ATRNL1: variants seen among roughly 807,000 people sequenced by gnomAD.
The protein encoded by ATRNL1 is attractin like 1.
ATRNL1 carries 95 observed loss-of-function variants against 182.7 expected under a neutral mutation model. The ratio of observed to expected loss-of-function variants is 0.52; its 90% CI spans 0.44 to 0.62. ATRNL1 has a LOEUF of 0.62. ATRNL1 is among the 20% of genes least tolerant of loss of function. The pLI, the probability that ATRNL1 is intolerant of heterozygous loss-of-function variation, is 0.00. For missense variants in ATRNL1, 1,471 were observed against 1,679.5 expected (o/e 0.88, Z 2.17); for synonymous variants, 576 against 568.3 (o/e 1.01, Z -0.19).
At chr10:115,928,605 T>A (rs1484100844) in intron 28 of ATRNL1, among the ~76,000 whole-genome samples, 2 of 152,002 alleles carry the variant, frequency 1.3e-5, no homozygotes, top group Non-Finnish European at 1.5e-5. Context: ...ATTAGTTAAT[T>A]ATCTCAAACC....
In ATRNL1 at chr10:115,448,719, T is replaced by A. The variant is rs1245005934; in HGVS notation, c.3323-13222T>A. 2.0e-5 allele frequency among the ~76,000 whole-genome samples: 3 copies of A among 152,020 alleles called. No individual in the cohort carries two copies. In the East Asian group the frequency reaches 5.8e-4, roughly 29 times the overall value. Reference sequence around the variant, plus strand: ...CAAGACGCACACAAAAAAAAAACATTTAAAAGATAAACAAATCTAGGAGTT... The same window carrying A: ...CAAGACGCACACAAAAAAAAAACATATAAAAGATAAACAAATCTAGGAGTT... On this transcript the variant is annotated intron_variant, in intron 21 of 28. Transcript: ENST00000355044.
chr10:115,304,747 C>T (rs1853643625), intron 17 of ATRNL1, among the ~76,000 whole-genome samples: 1 of 152,084 alleles, frequency 6.6e-6, no homozygotes, highest in African/African-American at 2.4e-5. Context: ...CCATGATGTT[C>T]TACACACATG....
chr10:115,174,913 T>C (rs1554886418), intron 8 of ATRNL1, among the ~76,000 whole-genome samples: 1 of 151,934 alleles, frequency 6.6e-6, no homozygotes, highest in Non-Finnish European at 1.5e-5. Context: ...TAGCCTGATA[T>C]CTAGTAAATG....
intron 21 of ATRNL1, among the ~76,000 whole-genome samples, chr10:115,433,024 C>T (rs1846241300): frequency 6.6e-6 from 1 of 151,990 alleles, no homozygotes; most frequent in African/African-American, 2.4e-5. Context: ...GCAATGCTCA[C>T]ACCCCTAATT....
intron 17 of ATRNL1, among the ~76,000 whole-genome samples, chr10:115,311,017 G>C (rs1853993518): frequency 6.6e-6 from 1 of 151,906 alleles, no homozygotes; most frequent in South Asian, 2.1e-4. Flanking sequence ...CACAGTTATT[G>C]TTCTTTTTGC....
At chr10:115,237,362 A>G (rs1239713420) in intron 9 of ATRNL1, among the ~76,000 whole-genome samples, 2 of 152,318 alleles carry the variant, frequency 1.3e-5, no homozygotes, top group East Asian at 3.9e-4. Flanking sequence ...GCAGCGATGA[A>G]TGAGAGTTCC....
intron 26 of ATRNL1, among the ~76,000 whole-genome samples, chr10:115,639,601 A>G (rs1859101717): frequency 1.3e-5 from 2 of 152,198 alleles, no homozygotes; most frequent in South Asian, 4.1e-4. Flanking sequence ...CTTCATTCTA[A>G]GTGGAAAATG....
intron 27 of ATRNL1, among the ~76,000 whole-genome samples, chr10:115,758,515 G>T (rs1948650175): frequency 6.6e-6 from 1 of 152,132 alleles, no homozygotes; most frequent in Non-Finnish European, 1.5e-5. Flanking sequence ...TCCCAGAGGG[G>T]CACCCACCAG....
intron 28 of ATRNL1, among the ~76,000 whole-genome samples, chr10:115,940,764 G>C (rs1264724423): frequency 6.6e-6 from 1 of 151,628 alleles, no homozygotes; most frequent in African/African-American, 2.4e-5. Flanking sequence ...TAGGGGCTTT[G>C]TCTCTTTTTT....
chr10:115,831,566 T>G lies in ATRNL1; in HGVS notation c.3904-16311T>G, dbSNP rs1053168438. 7.2e-5 allele frequency among the ~76,000 whole-genome samples: 11 copies of G among 152,078 alleles called. 1 individual carries two copies. The highest frequency in any genetic ancestry group is 3.9e-4 in the Admixed American group (6 of 15,260). On this transcript the variant is annotated intron_variant, in intron 27 of 28. Coordinates refer to ENST00000355044, the MANE Select transcript of ATRNL1 (RefSeq NM_207303.4). ...AGCGGAGCGTGGAAAGCAAACCAAT[T>G]GGAAAGGTGTTCCCTGTATTACCAA...
At chr10:115,943,824 G>A (rs1428214670) in intron 28 of ATRNL1, among the ~76,000 whole-genome samples, 2 of 152,062 alleles carry the variant, frequency 1.3e-5, no homozygotes, top group Middle Eastern at 3.4e-3. Context: ...TGGCACATCC[G>A]CACAATGGAA....
At chr10:115,374,296 CTT>C (rs1857545372) in intron 19 of ATRNL1, among the ~76,000 whole-genome samples, 1 of 151,570 alleles carries the variant, frequency 6.6e-6, no homozygotes, top group Non-Finnish European at 1.5e-5. Context: ...GGAAAAAACT[CTT>C]AGTTTCATTG....
chr10:115,263,840 G>C (rs1851493121), intron 10 of ATRNL1, among the ~76,000 whole-genome samples: 1 of 151,542 alleles, frequency 6.6e-6, no homozygotes, highest in Non-Finnish European at 1.5e-5. Context: ...ATCTTAATAG[G>C]CATTATGTGA....
intron 26 of ATRNL1, among the ~76,000 whole-genome samples, chr10:115,670,259 G>A (rs1945652953): frequency 6.6e-6 from 1 of 152,108 alleles, no homozygotes; most frequent in Non-Finnish European, 1.5e-5. Flanking sequence ...TGCTTAAAAA[G>A]TGGCTGTCAT....
chr10:115,500,920 CTTTTTTTTTT>C (rs71010023), intron 24 of ATRNL1, among the ~76,000 whole-genome samples: 3 of 54,434 alleles, frequency 5.5e-5, no homozygotes, highest in South Asian at 8.5e-4. Flanking sequence ...TCAGGTAAGA[CTTTTTTTTTT>C]TTTTTTTTTT....
chr10:115,373,578 G>A (rs782370329), intron 19 of ATRNL1, among the ~76,000 whole-genome samples: 20 of 151,968 alleles, frequency 1.3e-4, no homozygotes, highest in Non-Finnish European at 2.5e-4. Context: ...GAAGAATGTT[G>A]TATTCTGTCA....
intron 27 of ATRNL1, among the ~76,000 whole-genome samples, chr10:115,753,582 G>A (rs1593170769): frequency 6.6e-6 from 1 of 152,094 alleles, no homozygotes; most frequent in East Asian, 1.9e-4. Flanking sequence ...TCACTGATGA[G>A]CATTTGGGTT....
At chr10:115,367,485 T>A (rs1290774465) in intron 19 of ATRNL1, among the ~76,000 whole-genome samples, 1 of 150,400 alleles carries the variant, frequency 6.6e-6, no homozygotes, top group Non-Finnish European at 1.5e-5. Flanking sequence ...TAGCTCAGAG[T>A]AATTTGATCA....
Position 115,787,878 on chromosome 10 carries a change from G to A in ATRNL1, c.3904-59999G>A, listed in dbSNP as rs1239460385. ...CAGTGTCCTTATGAGGAAGAGATAG[G>A]GGAAGATTTGAAAACAGACAGAAAA... On this transcript the variant is annotated intron_variant, in intron 27 of 28. Transcript: ENST00000355044. 2.0e-5 allele frequency among the ~76,000 whole-genome samples: 3 copies of A among 152,090 alleles called. No homozygotes were observed. In the East Asian group the frequency reaches 5.8e-4, roughly 29 times the overall value.
Sources: gnomAD v4.1 joint callset for allele counts (sites outside exome capture counted in the v4.1 genomes callset) on GRCh38, gnomAD v4.1.1 for gene constraint, MANE v1.5 for transcripts, NCBI Gene and HGNC (gene_info 2026-07-23, HGNC 2026-07-21) for gene names.